The following EDIL3 variants were observed in gnomAD, a reference collection of about 807,000 sequenced individuals.
EDIL3 encodes the protein EGF-like repeat and discoidin I-like domain-containing protein 3.
EDIL3 carries 37 observed loss-of-function variants against 67.4 expected under a neutral mutation model. The observed-to-expected ratio is 0.55, with a 90% CI of 0.42 to 0.72. The LOEUF (loss-of-function observed/expected upper bound fraction) is 0.72, where lower values mean the gene tolerates loss of function less well. EDIL3 is among the 30% of genes least tolerant of loss of function. The probability of loss-of-function intolerance (pLI) is 0.00; values close to 1 mark genes in which losing one functional copy is unlikely to be tolerated. For synonymous variants in EDIL3, 195 were observed against 196.3 expected, an observed-to-expected ratio of 0.99 and a Z score of 0.05; for missense variants, 527 against 586.3, an observed-to-expected ratio of 0.90 and a Z score of 1.04.
At chr5:84,049,067 C>G (rs1418213604) in intron 9 of EDIL3, among the ~76,000 whole-genome samples, 4 of 152,100 alleles carry the variant, frequency 2.6e-5, no homozygotes, top group Admixed American at 6.5e-5. Context: ...AATACAGTTT[C>G]AGTAGAGAAG....
intron 8 of EDIL3, among the ~76,000 whole-genome samples, chr5:84,063,901 G>A (rs1332141776): frequency 2.0e-5 from 3 of 152,120 alleles, no homozygotes; most frequent in African/African-American, 7.2e-5. Context: ...AAATTGTGAT[G>A]CCAGAAATGT....
At chr5:84,184,068 T>C (rs1749060004) in intron 3 of EDIL3, among the ~76,000 whole-genome samples, 1 of 152,206 alleles carries the variant, frequency 6.6e-6, no homozygotes, top group Admixed American at 6.5e-5. Context: ...ATCGTGCCAT[T>C]GCACTCCAGC....
intron 4 of EDIL3, among the ~76,000 whole-genome samples, chr5:84,172,448 G>C (rs1748828189): frequency 6.6e-6 from 1 of 151,866 alleles, no homozygotes; most frequent in Non-Finnish European, 1.5e-5. Flanking sequence ...TCAGCATGGT[G>C]GCATGCCTAT....
intron 9 of EDIL3, among the ~76,000 whole-genome samples, chr5:83,986,689 C>T (rs1745062734): frequency 6.6e-6 from 1 of 152,062 alleles, no homozygotes. Context: ...GGGTCCCCTG[C>T]AGGCGTAAGA....
At chr5:84,008,039 CTT>C (rs1272201732) in intron 9 of EDIL3, among the ~76,000 whole-genome samples, 13 of 152,122 alleles carry the variant, frequency 8.5e-5, no homozygotes, top group African/African-American at 2.7e-4. Context: ...GAAAGACAAA[CTT>C]CACATATTTT....
intron 3 of EDIL3, among the ~76,000 whole-genome samples, chr5:84,224,333 A>G (rs1744406117): frequency 6.6e-6 from 1 of 151,558 alleles, no homozygotes; most frequent in South Asian, 2.1e-4. Flanking sequence ...AAGACCAAAT[A>G]AACTAAAAGC....
At chr5:84,226,736 G>T (rs1253892788) in intron 3 of EDIL3, among the ~76,000 whole-genome samples, 1 of 151,782 alleles carries the variant, frequency 6.6e-6, no homozygotes, top group African/African-American at 2.4e-5. Flanking sequence ...GAGCACATTT[G>T]TTCTATTTTA....
At chr5:84,246,522 A>G (rs1358066340) in intron 2 of EDIL3, among the ~76,000 whole-genome samples, 1 of 152,268 alleles carries the variant, frequency 6.6e-6, no homozygotes, top group Non-Finnish European at 1.5e-5. Flanking sequence ...TTTGTTAGGC[A>G]GTAAAATACA....
intron 1 of EDIL3, 137 bp downstream of exon 1, chr5:84,384,171 C>G: frequency 1.8e-6 from 2 of 1,083,878 alleles, no homozygotes; most frequent in Non-Finnish European, 1.3e-6. Flanking sequence ...ACCCAGGACT[C>G]GACGCCTCCT....
intron 9 of EDIL3, among the ~76,000 whole-genome samples, chr5:83,998,098 C>T (rs138452928): frequency 2.0e-5 from 3 of 152,262 alleles, no homozygotes; most frequent in Non-Finnish European, 4.4e-5. Flanking sequence ...AGATGCTGTG[C>T]TAGGCTGGGA....
chr5:84,065,650 A>G (rs1039567232), intron 7 of EDIL3, among the ~76,000 whole-genome samples: 6 of 152,264 alleles, frequency 3.9e-5, no homozygotes, highest in African/African-American at 1.4e-4. Context: ...ATAAGAAAAG[A>G]AAAGGAAGTA....
chr5:83,974,440 C>T (rs1425030200), intron 9 of EDIL3, among the ~76,000 whole-genome samples: 1 of 151,822 alleles, frequency 6.6e-6, no homozygotes, highest in East Asian at 1.9e-4. Context: ...GGTTAAGAGC[C>T]ACTGACACAG....
chr5:84,030,945 T>G (rs947624610), intron 9 of EDIL3, among the ~76,000 whole-genome samples: 1 of 152,098 alleles, frequency 6.6e-6, no homozygotes, highest in Non-Finnish European at 1.5e-5. Flanking sequence ...TTTCTCACAG[T>G]GCTGGATGGA....
intron 1 of EDIL3, among the ~76,000 whole-genome samples, chr5:84,259,306 G>A (rs1745182267): frequency 1.3e-5 from 2 of 152,082 alleles, no homozygotes; most frequent in African/African-American, 4.8e-5. Context: ...AAGAGGTTAG[G>A]CTAAGGAAAG....
intron 9 of EDIL3, among the ~76,000 whole-genome samples, chr5:84,011,360 A>G (rs1687600786): frequency 6.6e-6 from 1 of 152,154 alleles, no homozygotes; most frequent in South Asian, 2.1e-4. Context: ...TAAAATTTAT[A>G]CTGACTGTGC....
At chr5:84,019,655 T>G (rs986727036) in intron 9 of EDIL3, among the ~76,000 whole-genome samples, 9 of 152,054 alleles carry the variant, frequency 5.9e-5, no homozygotes, top group Non-Finnish European at 1.0e-4. Context: ...TAATACACAT[T>G]GCAAAGATCT....
chr5:84,106,664 T>A lies in EDIL3; in HGVS notation c.636A>T (p.Arg212Ser), dbSNP rs758691425. The change falls in exon 6 of 11, where the codon AGA (arginine) becomes AGT (serine). Residue 212 changes from arginine (R) to serine (S), a missense_variant. Arg to Ser is a moderately radical substitution (Grantham distance 110). Coordinates refer to ENST00000296591, the MANE Select transcript of EDIL3 (RefSeq NM_005711.5). ...CATCTGTTACCTGAATCCACGGCCATCTGTCATTTTCTGCAGCTGTCCACG... is the reference window on the plus strand; with the variant it reads ...CATCTGTTACCTGAATCCACGGCCAACTGTCATTTTCTGCAGCTGTCCACG... ...INAWTAAEND[R>S]WPWIQINLQR... 8.7e-6 allele frequency: 14 copies of A among 1,604,920 alleles called. No individual in the cohort carries two copies. The highest frequency in any genetic ancestry group is 1.2e-5 in the Non-Finnish European group (14 of 1,176,800).
At chr5:84,173,246 G>A (rs1217884556) in intron 4 of EDIL3, among the ~76,000 whole-genome samples, 3 of 152,138 alleles carry the variant, frequency 2.0e-5, no homozygotes, top group African/African-American at 7.2e-5. Flanking sequence ...ATCTGACTGA[G>A]TGAGGGTCAG....
intron 1 of EDIL3, among the ~76,000 whole-genome samples, chr5:84,295,103 C>T (rs949710523): frequency 1.6e-4 from 25 of 151,992 alleles, no homozygotes; most frequent in Non-Finnish European, 2.9e-5. Context: ...AGGCAGAAAA[C>T]TTAACAGTTA....
Sources: allele counts gnomAD v4.1 joint callset (sites outside exome capture counted in the v4.1 genomes callset), GRCh38; gene constraint gnomAD v4.1.1; transcripts MANE v1.5; gene names NCBI Gene and HGNC (gene_info 2026-07-23, HGNC 2026-07-21).